Variants in LIN7A observed in about 807,000 individuals in gnomAD.
The protein encoded by LIN7A is protein lin-7 homolog A.
LIN7A carries 25 observed loss-of-function variants against 29.8 expected under a neutral mutation model. That is an observed-to-expected ratio of 0.84 (90% CI 0.61 to 1.17). LIN7A has a LOEUF of 1.17. Among genes scored for constraint, LIN7A ranks in the 50% most tolerant of loss-of-function variants. The probability of loss-of-function intolerance (pLI) is 0.00; values close to 1 mark genes in which losing one functional copy is unlikely to be tolerated. For missense variants in LIN7A, 239 were observed against 287.0 expected, an observed-to-expected ratio of 0.83 and a Z score of 1.21; for synonymous variants, 118 against 107.5, an observed-to-expected ratio of 1.10 and a Z score of -0.60.
chr12:80,927,440 C>T (rs890438651), intron 1 of LIN7A, among the ~76,000 whole-genome samples: 4 of 152,134 alleles, frequency 2.6e-5, no homozygotes, highest in Non-Finnish European at 5.9e-5. Flanking sequence ...TGAGCCACCA[C>T]GCCCGGCCAC....
chr12:80,902,316 T>A (rs1266518022), intron 1 of LIN7A, among the ~76,000 whole-genome samples: 1 of 152,002 alleles, frequency 6.6e-6, no homozygotes, highest in Non-Finnish European at 1.5e-5. Flanking sequence ...AGCTTTGTTC[T>A]TTTTGCTTAG....
At chr12:80,888,039 C>A (rs146656554) in intron 2 of LIN7A, among the ~76,000 whole-genome samples, 1 of 152,214 alleles carries the variant, frequency 6.6e-6, no homozygotes, top group Non-Finnish European at 1.5e-5. Flanking sequence ...TATTTTATAC[C>A]TTTCCCACTG....
chr12:80,868,756 C>T (rs1207390759), intron 2 of LIN7A, among the ~76,000 whole-genome samples: 1 of 152,150 alleles, frequency 6.6e-6, no homozygotes, highest in East Asian at 1.9e-4. Context: ...GAGCCCATTG[C>T]TAAGCTTTAA....
intron 4 of LIN7A, among the ~76,000 whole-genome samples, chr12:80,837,258 A>G (rs912437562): frequency 9.2e-5 from 14 of 152,180 alleles, no homozygotes; most frequent in African/African-American, 3.1e-4. Flanking sequence ...AAAGATATTA[A>G]TATCAGGTCC....
chr12:80,878,641 C>T (rs1032203704), intron 2 of LIN7A, among the ~76,000 whole-genome samples: 1 of 152,162 alleles, frequency 6.6e-6, no homozygotes, highest in African/African-American at 2.4e-5. Flanking sequence ...GCGGACGTGG[C>T]CAGCTTTTAT....
At chr12:80,874,507 G>A (rs1391852076) in intron 2 of LIN7A, among the ~76,000 whole-genome samples, 2 of 152,100 alleles carry the variant, frequency 1.3e-5, no homozygotes, top group Admixed American at 6.5e-5. Context: ...ACAAATATAT[G>A]AGAAAATAGA....
chr12:80,806,088 A>G (rs1360208733), intron 5 of LIN7A, among the ~76,000 whole-genome samples: 4 of 151,674 alleles, frequency 2.6e-5, no homozygotes, highest in Non-Finnish European at 4.4e-5. Flanking sequence ...AAAAAAACAA[A>G]AAACAAACAA....
At chr12:80,831,765 G>C (rs1872361116) in intron 4 of LIN7A, among the ~76,000 whole-genome samples, 2 of 152,192 alleles carry the variant, frequency 1.3e-5, no homozygotes. Flanking sequence ...GTGTGCCCTA[G>C]GTTCCTGTGG....
At position 80,848,245 on chromosome 12, in the gene LIN7A, C is replaced by A. The variant is rs1359317955; in HGVS notation, c.273+6G>T. ...AAGTATATTTTTAAAGTTACTCAAG[C>A]CTTACCTTTGCTGTTGCCCTCGCAC... On this transcript the variant is annotated splice_donor_region_variant and intron_variant, in intron 3 of 5. Transcript: ENST00000552864. 6.2e-7 allele frequency: 1 copy of A among 1,610,118 alleles called. No individual in the cohort carries two copies. Among genetic ancestry groups the A allele is most frequent in the Non-Finnish European group, 8.5e-7 (1 of 1,176,632 alleles).
chr12:80,937,427 G>A (rs1878298628), intron 1 of LIN7A: 2 of 394,444 alleles, frequency 5.1e-6, no homozygotes, highest in Admixed American at 4.5e-5. Flanking sequence ...TCCCCTCGGC[G>A]GGGCGAGTAC....
intron 1 of LIN7A, among the ~76,000 whole-genome samples, chr12:80,898,248 T>C (rs1041567507): frequency 2.0e-5 from 3 of 152,230 alleles, no homozygotes; most frequent in Non-Finnish European, 4.4e-5. Flanking sequence ...ATTGCTTGTT[T>C]TTGTCAACTT....
chr12:80,903,549 A>G lies in LIN7A; in HGVS notation c.83-14180T>C, dbSNP rs184718648. Among the ~76,000 whole-genome samples the G allele has an allele frequency of 3.9e-5, 6 of 152,210 alleles. No individual in the cohort carries two copies. The East Asian group carries it at 9.7e-4, about 24-fold the overall frequency. On this transcript the variant is annotated intron_variant, in intron 1 of 5. Transcript: ENST00000552864. ...TGATTTCATTATTTTTTATGACTGAATAGTATTGCATGGTGTATATATACC... is the reference window on the plus strand; with the variant it reads ...TGATTTCATTATTTTTTATGACTGAGTAGTATTGCATGGTGTATATATACC...
intron 1 of LIN7A, among the ~76,000 whole-genome samples, chr12:80,912,713 C>CAAAAAAAA (rs5799498): frequency 1.8e-4 from 24 of 135,290 alleles, no homozygotes; most frequent in East Asian, 1.3e-3. Flanking sequence ...AGACTTGTCT[C>CAAAAAAAA]AAAAAAAAAA....
chr12:80,841,339 G>A (rs1420648757), intron 4 of LIN7A, among the ~76,000 whole-genome samples: 1 of 118,706 alleles, frequency 8.4e-6, no homozygotes, highest in African/African-American at 3.3e-5. Flanking sequence ...AAAGAAAGAG[G>A]GAGGGAAGGA....
intron 1 of LIN7A, among the ~76,000 whole-genome samples, chr12:80,934,796 A>T (rs139854478): frequency 7.0e-4 from 107 of 152,340 alleles, no homozygotes; most frequent in African/African-American, 2.1e-3. Context: ...TAGCAGCTCT[A>T]AAATTGTGGA....
chr12:80,910,760 G>T (rs952525890), intron 1 of LIN7A, among the ~76,000 whole-genome samples: 1 of 152,030 alleles, frequency 6.6e-6, no homozygotes, highest in Non-Finnish European at 1.5e-5. Flanking sequence ...TCCTTTTTGT[G>T]TATCTTCTGC....
chr12:80,881,201 G>A (rs953693014), intron 2 of LIN7A, among the ~76,000 whole-genome samples: 3 of 152,118 alleles, frequency 2.0e-5, no homozygotes, highest in Non-Finnish European at 4.4e-5. Context: ...AGGATGCTCA[G>A]AAATAAGCTT....
At chr12:80,930,285 A>T (rs571660974) in intron 1 of LIN7A, among the ~76,000 whole-genome samples, 1 of 152,020 alleles carries the variant, frequency 6.6e-6, no homozygotes, top group Non-Finnish European at 1.5e-5. Context: ...AGTGGTTTTC[A>T]GGCATATTTA....
chr12:80,803,518 T>C (rs1450400527), intron 5 of LIN7A, among the ~76,000 whole-genome samples: 1 of 152,222 alleles, frequency 6.6e-6, no homozygotes, highest in Non-Finnish European at 1.5e-5. Flanking sequence ...CATGTTGTTT[T>C]GATTACCATA....
Sources: gnomAD v4.1 joint callset for allele counts (sites outside exome capture counted in the v4.1 genomes callset) on GRCh38, gnomAD v4.1.1 for gene constraint, MANE v1.5 for transcripts, NCBI Gene and HGNC (gene_info 2026-07-23, HGNC 2026-07-21) for gene names.